The following ZRANB3 variants were observed in gnomAD, a reference collection of about 807,000 sequenced individuals.
ZRANB3 encodes zinc finger RANBP2-type containing 3, also known as DNA annealing helicase and endonuclease ZRANB3.
In ZRANB3, 125 loss-of-function variants were observed where a neutral mutation model predicts 133.8. The observed-to-expected ratio is 0.93, with a 90% CI of 0.81 to 1.08. The LOEUF (loss-of-function observed/expected upper bound fraction) is 1.08. Ranked by LOEUF, ZRANB3 falls within the 50% of genes least tolerant of loss-of-function variation. The pLI is 0.00. For synonymous variants in ZRANB3, 387 were observed against 432.7 expected, an observed-to-expected ratio of 0.89 and a Z score of 1.31; for missense variants, 1,229 against 1,275.5, an observed-to-expected ratio of 0.96 and a Z score of 0.56.
At chr2:135,480,381 A>T (rs1325499810) in intron 2 of ZRANB3, among the ~76,000 whole-genome samples, 1 of 152,156 alleles carries the variant, frequency 6.6e-6, no homozygotes, top group Non-Finnish European at 1.5e-5. Context: ...TTGTTCACTG[A>T]TGCAAAAATT....
intron 2 of ZRANB3, among the ~76,000 whole-genome samples, chr2:135,408,407 A>C (rs527417899): frequency 1.3e-5 from 2 of 152,286 alleles, no homozygotes; most frequent in African/African-American, 4.8e-5. Flanking sequence ...CATTGTGGAA[A>C]TCAGCGTGGC....
chr2:135,516,907 A>T (rs986907353), intron 1 of ZRANB3, among the ~76,000 whole-genome samples: 11 of 152,124 alleles, frequency 7.2e-5, no homozygotes, highest in Non-Finnish European at 1.0e-4. Context: ...TTTCAGGTAC[A>T]CCAATCAAAA....
intron 3 of ZRANB3, among the ~76,000 whole-genome samples, chr2:135,386,220 A>C (rs1686963969): frequency 6.6e-6 from 1 of 152,260 alleles, no homozygotes; most frequent in Non-Finnish European, 1.5e-5. Flanking sequence ...ACATTTATGC[A>C]GCCAAAAGAC....
chr2:135,265,358 TA>T (rs1213982103), intron 12 of ZRANB3, among the ~76,000 whole-genome samples, 175 bp downstream of exon 12: 1 of 152,204 alleles, frequency 6.6e-6, no homozygotes, highest in Non-Finnish European at 1.5e-5. Context: ...GAACAGTAAG[TA>T]CTAAAACTGT....
intron 14 of ZRANB3, among the ~76,000 whole-genome samples, chr2:135,225,079 T>C (rs535061470): frequency 6.6e-5 from 10 of 152,340 alleles, no homozygotes; most frequent in Admixed American, 1.3e-4. Context: ...TACAGGATTA[T>C]CAACGCAGGT....
At chr2:135,291,171 C>A (rs1394386432) in intron 8 of ZRANB3, among the ~76,000 whole-genome samples, 1 of 149,504 alleles carries the variant, frequency 6.7e-6, no homozygotes, top group Non-Finnish European at 1.5e-5. Flanking sequence ...CCGGGAACAC[C>A]AATTATTCTT....
At chr2:135,462,981 T>C (rs1690829629) in intron 2 of ZRANB3, among the ~76,000 whole-genome samples, 1 of 152,204 alleles carries the variant, frequency 6.6e-6, no homozygotes, top group South Asian at 2.1e-4. Flanking sequence ...TGAAATGTCA[T>C]GTGAACCAAA....
Position 135,207,032 on chromosome 2 carries a change from G to T in ZRANB3, c.3009+402C>A, listed in dbSNP as rs567913203. On this transcript the variant is annotated intron_variant, in intron 19 of 20. Transcript: ENST00000264159. ...ATACAAAAATTAGCCAGGTGTGGTGGCACATGCCTGTAATTCCAGCTACCC... is the reference window on the plus strand; with the variant it reads ...ATACAAAAATTAGCCAGGTGTGGTGTCACATGCCTGTAATTCCAGCTACCC... Among the ~76,000 whole-genome samples, 3 of 152,110 alleles carry T rather than the reference G, an allele frequency of 2.0e-5. No homozygotes were observed. In the South Asian group the frequency reaches 6.2e-4, roughly 32 times the overall value.
At chr2:135,495,234 A>C (rs914172993) in intron 2 of ZRANB3, among the ~76,000 whole-genome samples, 1 of 152,240 alleles carries the variant, frequency 6.6e-6, no homozygotes, top group Admixed American at 6.5e-5. Context: ...TTTCTAAAAA[A>C]ACAAAACTAA....
At chr2:135,369,664 A>G (rs1484874830) in intron 3 of ZRANB3, among the ~76,000 whole-genome samples, 1 of 152,232 alleles carries the variant, frequency 6.6e-6, no homozygotes, top group African/African-American at 2.4e-5. Flanking sequence ...TGAGACCACT[A>G]TAGCCGAAGT....
chr2:135,388,193 C>T (rs893599309), intron 3 of ZRANB3, among the ~76,000 whole-genome samples: 7 of 152,122 alleles, frequency 4.6e-5, no homozygotes, highest in Admixed American at 1.3e-4. Flanking sequence ...CATCAGATCT[C>T]GTGAGACTTA....
At chr2:135,314,302 A>G (rs925624514) in intron 7 of ZRANB3, among the ~76,000 whole-genome samples, 1 of 152,254 alleles carries the variant, frequency 6.6e-6, no homozygotes, top group African/African-American at 2.4e-5. Context: ...GGAATATTAA[A>G]TAAAATTAAT....
chr2:135,396,392 C>T (rs1687486156), intron 2 of ZRANB3, among the ~76,000 whole-genome samples: 1 of 152,126 alleles, frequency 6.6e-6, no homozygotes, highest in East Asian at 1.9e-4. Context: ...TTCACAATAG[C>T]CAAGATTTGG....
chr2:135,398,252 G>C (rs1211939283), intron 2 of ZRANB3, among the ~76,000 whole-genome samples: 3 of 151,694 alleles, frequency 2.0e-5, no homozygotes, highest in East Asian at 2.0e-4. Flanking sequence ...TTTTTTAGTA[G>C]AGACGGGGTT....
chr2:135,312,182 ATTTTATTTT>A (rs1558908156), intron 8 of ZRANB3, among the ~76,000 whole-genome samples: 7 of 129,328 alleles, frequency 5.4e-5, no homozygotes, highest in African/African-American at 1.8e-4. Context: ...ATTTTATTTT[ATTTTATTTT>A]TATTTTATTT....
intron 12 of ZRANB3, among the ~76,000 whole-genome samples, chr2:135,251,622 C>T (rs1336517769): frequency 6.6e-6 from 1 of 152,176 alleles, no homozygotes; most frequent in African/African-American, 2.4e-5. Context: ...ATGGTTTTAT[C>T]AGGGGTTTCC....
intron 2 of ZRANB3, among the ~76,000 whole-genome samples, chr2:135,493,627 A>G (rs558324424): frequency 1.4e-4 from 22 of 152,312 alleles, no homozygotes; most frequent in Non-Finnish European, 2.8e-4. Context: ...TCGAATAGTC[A>G]TTCATTTTGA....
intron 3 of ZRANB3, among the ~76,000 whole-genome samples, chr2:135,370,792 T>C (rs1222373466): frequency 6.6e-6 from 1 of 152,204 alleles, no homozygotes; most frequent in African/African-American, 2.4e-5. Context: ...AAATCTCACC[T>C]TGAATTGTAA....
chr2:135,514,852 G>C (rs1313573498), intron 1 of ZRANB3, among the ~76,000 whole-genome samples: 1 of 151,974 alleles, frequency 6.6e-6, no homozygotes, highest in Non-Finnish European at 1.5e-5. Flanking sequence ...AGCATGAAGG[G>C]GTGTTGAATT....
Sources: gnomAD v4.1 joint callset for allele counts (sites outside exome capture counted in the v4.1 genomes callset) on GRCh38, gnomAD v4.1.1 for gene constraint, MANE v1.5 for transcripts, NCBI Gene and HGNC (gene_info 2026-07-23, HGNC 2026-07-21) for gene names.